The following EMCN variants were observed in gnomAD, a reference collection of about 807,000 sequenced individuals.
The protein encoded by EMCN is endomucin, also known as MUC-14.
A neutral mutation model predicts 38.4 loss-of-function variants in EMCN; 37 were observed. That is an observed-to-expected ratio of 0.96 (90% CI 0.74 to 1.27). EMCN has a LOEUF of 1.27. Ranked by LOEUF, EMCN falls within the 50% of genes most tolerant of loss-of-function variation. EMCN has a pLI of 0.00. For missense variants in EMCN, 318 were observed against 302.8 expected, an observed-to-expected ratio of 1.05 and a Z score of -0.37; for synonymous variants, 95 against 100.8, an observed-to-expected ratio of 0.94 and a Z score of 0.35.
chr4:100,486,994 A>G (rs1728959876), intron 1 of EMCN: 21 of 985,098 alleles, frequency 2.1e-5, no homozygotes, highest in Middle Eastern at 5.2e-4. Context: ...GTCATTTTAT[A>G]TATTATAGCC....
intron 11 of EMCN, 140 bp downstream of exon 11, chr4:100,410,142 A>G (rs1342327008): frequency 2.5e-5 from 16 of 640,372 alleles, no homozygotes; most frequent in Non-Finnish European, 4.3e-5. Context: ...TTGTTTTTAG[A>G]CAAATAGACA....
intron 3 of EMCN, chr4:100,473,957 C>T (rs1462356539): frequency 6.5e-6 from 1 of 152,960 alleles, no homozygotes; most frequent in African/African-American, 2.4e-5. Flanking sequence ...AGCTCCAAAG[C>T]ACTTCCCAAA....
At chr4:100,460,139 C>G (rs77774211) in intron 4 of EMCN, among the ~76,000 whole-genome samples, 3 of 152,190 alleles carry the variant, frequency 2.0e-5, no homozygotes, top group Non-Finnish European at 4.4e-5. Flanking sequence ...GAGGTGATAA[C>G]TCATAGTGGT....
At chr4:100,462,275 T>C (rs1728200777) in intron 4 of EMCN, among the ~76,000 whole-genome samples, 1 of 152,196 alleles carries the variant, frequency 6.6e-6, no homozygotes, top group Non-Finnish European at 1.5e-5. Context: ...TTGATGTATT[T>C]TTTAAACTAC....
intron 5 of EMCN, among the ~76,000 whole-genome samples, chr4:100,437,206 G>A (rs1459772428): frequency 6.6e-6 from 1 of 152,120 alleles, no homozygotes; most frequent in Non-Finnish European, 1.5e-5. Context: ...GCATGCACAT[G>A]TTGGCAATTT....
Position 100,441,908 on chromosome 4 carries a change from CAT to C in EMCN, c.415+5623_415+5624del, listed in dbSNP as rs59886886. On this transcript the variant is annotated intron_variant, in intron 5 of 11. Coordinates refer to ENST00000296420, the MANE Select transcript of EMCN (RefSeq NM_016242.4). ...ATTTAACCGTCATGCTAGAGATACA[CAT>C]GATTTACACACCACTATTACAGTAT... Among the ~76,000 whole-genome samples the C allele has an allele frequency of 6.3e-3, 964 of 152,330 alleles. 11 individuals are homozygous for C. The highest frequency in any genetic ancestry group is 0.021 in the African/African-American group (887 of 41,574).
chr4:100,423,363 T>A lies in EMCN; in HGVS notation c.457A>T (p.Thr153Ser), dbSNP rs752018268. 12 of 1,613,112 alleles carry A rather than the reference T, an allele frequency of 7.4e-6. No individual in the cohort carries two copies. The South Asian group carries it at 1.3e-4, about 18-fold the overall frequency. ...QPDASPSKTG[T>S]LTSIPVTIPE... ...ATTGTAACTGGTATTGAGGTTAATG[T>A]ACCAGTTTTAGAAGGTGATGCATCT... Residue 153 changes from threonine to serine, a missense_variant, in exon 6 of 12, where the codon ACA becomes TCA. Physicochemically the swap from Thr to Ser is moderately conservative, Grantham distance 58 (BLOSUM62 1). Coordinates refer to ENST00000296420, the MANE Select transcript of EMCN (RefSeq NM_016242.4).
At chr4:100,513,063 T>G (rs375370350) in intron 1 of EMCN, among the ~76,000 whole-genome samples, 11 of 152,312 alleles carry the variant, frequency 7.2e-5, no homozygotes, top group African/African-American at 2.6e-4. Flanking sequence ...ATTCATTTTT[T>G]TCTTAGTTGT....
rs1160627704 is a variant in EMCN, at chr4:100,423,247, T to C, written c.508+65A>G. On this transcript the variant is annotated intron_variant, in intron 6 of 11. Transcript: ENST00000296420. Reference sequence around the variant, plus strand: ...AGCTCTGTTTTGTGAGTCAAGATTGTTAGGGTTTCAGTCAAGAAAGGGTCA... The same window carrying C: ...AGCTCTGTTTTGTGAGTCAAGATTGCTAGGGTTTCAGTCAAGAAAGGGTCA... 7 of 1,401,816 alleles carry C rather than the reference T, an allele frequency of 5.0e-6. No individual in the cohort carries two copies. The African/African-American group carries it at 7.1e-5, about 14-fold the overall frequency. The allele number at this position is 1,401,816 out of a possible 1,614,324, so 86.8% of individuals were successfully genotyped here.
chr4:100,503,865 C>G (rs973792599), intron 1 of EMCN, among the ~76,000 whole-genome samples: 3 of 152,104 alleles, frequency 2.0e-5, no homozygotes, highest in Non-Finnish European at 4.4e-5. Flanking sequence ...AATACACATT[C>G]AGATCTTTAG....
At chr4:100,457,512 G>T (rs1728052339) in intron 4 of EMCN, among the ~76,000 whole-genome samples, 1 of 152,110 alleles carries the variant, frequency 6.6e-6, no homozygotes. Flanking sequence ...ATCCTGAAAA[G>T]ATGTTAAATT....
intron 11 of EMCN, among the ~76,000 whole-genome samples, chr4:100,398,934 C>T (rs150906920): frequency 2.0e-5 from 3 of 152,106 alleles, no homozygotes; most frequent in Non-Finnish European, 4.4e-5. Context: ...TCTCATATTC[C>T]TTTTCTGATT....
intron 1 of EMCN, chr4:100,486,931 A>G: frequency 1.0e-6 from 1 of 985,386 alleles, no homozygotes; most frequent in African/African-American, 1.7e-5. Flanking sequence ...TTCTTCAAAG[A>G]TCATGTTCCA....
intron 4 of EMCN, among the ~76,000 whole-genome samples, chr4:100,449,331 A>G (rs1396670858): frequency 6.6e-6 from 1 of 152,152 alleles, no homozygotes; most frequent in Non-Finnish European, 1.5e-5. Context: ...GCAGATCTGT[A>G]AACATTAGCT....
At chr4:100,451,786 G>T (rs1046279326) in intron 4 of EMCN, among the ~76,000 whole-genome samples, 2 of 151,836 alleles carry the variant, frequency 1.3e-5, no homozygotes, top group Non-Finnish European at 2.9e-5. Context: ...TACTTACTTT[G>T]CCTGGCTTTT....
At chr4:100,489,105 G>A (rs1209651331) in intron 1 of EMCN, among the ~76,000 whole-genome samples, 1 of 152,104 alleles carries the variant, frequency 6.6e-6, no homozygotes, top group Non-Finnish European at 1.5e-5. Context: ...GACTTTTGAA[G>A]ATGCAGTCAG....
intron 5 of EMCN, among the ~76,000 whole-genome samples, chr4:100,429,056 G>T (rs1206245799): frequency 6.6e-6 from 1 of 152,074 alleles, no homozygotes; most frequent in Non-Finnish European, 1.5e-5. Flanking sequence ...ACCATAAGAT[G>T]AATGAAATTG....
intron 4 of EMCN, among the ~76,000 whole-genome samples, chr4:100,455,385 G>A (rs888994503): frequency 1.3e-5 from 2 of 151,744 alleles, no homozygotes; most frequent in African/African-American, 2.4e-5. Context: ...TGTTCTTCAT[G>A]CCTTTATTTA....
intron 4 of EMCN, among the ~76,000 whole-genome samples, chr4:100,453,421 T>A (rs927926543): frequency 4.6e-5 from 7 of 151,900 alleles, no homozygotes; most frequent in Admixed American, 4.6e-4. Flanking sequence ...ACATGAAAAA[T>A]TGCTCATCAT....
Sources: allele counts gnomAD v4.1 joint callset (sites outside exome capture counted in the v4.1 genomes callset), GRCh38; gene constraint gnomAD v4.1.1; transcripts MANE v1.5; gene names NCBI Gene and HGNC (gene_info 2026-07-23, HGNC 2026-07-21).